MROH2A: variants seen among roughly 807,000 people sequenced by gnomAD.
MROH2A encodes maestro heat-like repeat-containing protein family member 2A.
Under a neutral mutation model 200.4 loss-of-function variants are expected in MROH2A, and 174 were observed. The observed-to-expected ratio is 0.87, with a 90% confidence interval of 0.77 to 0.98. MROH2A has a LOEUF of 0.98. MROH2A is among the 50% of genes least tolerant of loss of function. The probability of loss-of-function intolerance (pLI) is 0.00; values close to 1 mark genes in which losing one functional copy is unlikely to be tolerated. For synonymous variants in MROH2A, 829 were observed against 840.4 expected (o/e 0.99, Z 0.23); for missense variants, 2,045 against 2,139.6 (o/e 0.96, Z 0.87).
chr2:233,781,727 A>G (rs1700966435), intron 3 of MROH2A, among the ~76,000 whole-genome samples: 1 of 152,072 alleles, frequency 6.6e-6, no homozygotes, highest in East Asian at 1.9e-4. Context: ...TTTGCTTGAC[A>G]TAATCCCATT....
At chr2:233,802,478 C>T in intron 15 of MROH2A, 163 bp downstream of exon 15, 2 of 761,328 alleles carry the variant, frequency 2.6e-6, no homozygotes, top group Non-Finnish European at 4.2e-6. Flanking sequence ...ATATTAATGC[C>T]TACCTGATCA....
Position 233,779,775 on chromosome 2 carries a change from G to A in MROH2A, c.199G>A (p.Val67Met). ...TGACATGCGGAAGACCCTGGCCTCGGTGATAATCATGGAGAAGGCCACCAC... is the reference window on the plus strand; with the variant it reads ...TGACATGCGGAAGACCCTGGCCTCGATGATAATCATGGAGAAGGCCACCAC... ...GLDMRKTLASVIIMEKATTEP... is the reference protein window; with the variant it reads ...GLDMRKTLASMIIMEKATTEP... Residue 67 changes from valine (V) to methionine (M), a missense_variant, in exon 3 of 42, where the codon GTG becomes ATG. Around this residue, in one of 3 missense-constraint regions of MROH2A, gnomAD observed 831 missense variants for 800.0 expected, o/e 1.04. Transcript: ENST00000389758. The A allele has an allele frequency of 6.4e-7, 1 of 1,550,882 alleles. No individual in the cohort carries two copies. Among genetic ancestry groups the A allele is most frequent in the Non-Finnish European group, 8.7e-7 (1 of 1,147,042 alleles).
chr2:233,781,256 G>T (rs904235031), intron 3 of MROH2A, among the ~76,000 whole-genome samples: 1 of 152,156 alleles, frequency 6.6e-6, no homozygotes, highest in Non-Finnish European at 1.5e-5. Flanking sequence ...ACACCCAGTA[G>T]TAGAATTGCT....
chr2:233,814,569 C>T lies in MROH2A; in HGVS notation c.2761-13C>T, dbSNP rs1167110392. 6.5e-7 allele frequency: 1 copy of T among 1,547,082 alleles called. No homozygotes were observed. The highest frequency in any genetic ancestry group is 8.7e-7 in the Non-Finnish European group (1 of 1,144,310). ...CTCATTGCCGCCTATCTCTCTCTCC[C>T]TCTTGGCTGTAGACCCTGTATGCAA... On this transcript the variant is annotated splice_polypyrimidine_tract_variant and intron_variant, in intron 25 of 41. Coordinates refer to ENST00000389758, the MANE Select transcript of MROH2A (RefSeq NM_001394639.1).
rs1444223636 is a variant in MROH2A, at chr2:233,828,970, G to A, written c.4344G>A (p.Glu1448=). 2 of 1,550,568 alleles carry A rather than the reference G, an allele frequency of 1.3e-6. No individual in the cohort carries two copies. Among genetic ancestry groups the A allele is most frequent in the East Asian group, 2.4e-5 (1 of 40,902 alleles). The change falls in exon 37 of 42, where the codon GAG becomes GAA. Residue 1448 remains glutamate (E), a synonymous_variant. Transcript: ENST00000389758. The surrounding 1 kb of genome is among the most constrained non-coding windows in gnomAD (Gnocchi z 4.6). ...CCGTGAGCAACAGCGTGACTGCCGAGGGCATGGAGGCCCTGACCAAGATCC... is the reference window on the plus strand; with the variant it reads ...CCGTGAGCAACAGCGTGACTGCCGAAGGCATGGAGGCCCTGACCAAGATCC... ...REPVSNSVTA[E]GMEALTKILA...
chr2:233,823,665 G>A lies in MROH2A; in HGVS notation c.4113+1G>A, dbSNP rs17868361. 236,122 of 1,549,374 alleles carry A rather than the reference G, an allele frequency of 0.15. 18,672 individuals are homozygous for A. Among genetic ancestry groups the A allele is most frequent in the Non-Finnish European group, 0.16 (185,542 of 1,146,124 alleles). On this transcript the variant is annotated splice_donor_variant, in intron 35 of 41. Coordinates refer to ENST00000389758, the MANE Select transcript of MROH2A (RefSeq NM_001394639.1). LOFTEE classifies it high-confidence loss of function. ...CCGCATCAGCAGCACAGCGGTCTGC[G>A]TGGAAATGAGGCACCGGGTGTGGGC...
Position 233,818,600 on chromosome 2 carries a change from T to TG in MROH2A, c.3086-50dup. The TG allele has an allele frequency of 3.5e-6, 4 of 1,155,284 alleles. No homozygotes were observed. In the African/African-American group the frequency reaches 6.3e-5, roughly 18 times the overall value. 71.6% of individuals were successfully genotyped at this position (1,155,284 alleles called of 1,614,324 possible). A position where few individuals can be genotyped will look rare whatever the true frequency, so the allele number is the denominator to read the frequency against. On this transcript the variant is annotated intron_variant, in intron 28 of 41. Coordinates refer to ENST00000389758, the MANE Select transcript of MROH2A (RefSeq NM_001394639.1). ...GCAGGAGGTAGCCACGAAGGGGGGGTGGCTGGGCCTTTTGTCCCTGCTGGT... is the reference window on the plus strand; with the variant it reads ...GCAGGAGGTAGCCACGAAGGGGGGGTGGGCTGGGCCTTTTGTCCCTGCTGGT...
chr2:233,806,396 G>T (rs994896365), intron 19 of MROH2A, among the ~76,000 whole-genome samples: 11 of 152,060 alleles, frequency 7.2e-5, no homozygotes, highest in Non-Finnish European at 1.5e-4. Flanking sequence ...TCGTGGTGAG[G>T]ATTTAATGAA....
At chr2:233,800,448 A>G in intron 14 of MROH2A, 133 bp downstream of exon 14, 1 of 616,556 alleles carries the variant, frequency 1.6e-6, no homozygotes, top group Admixed American at 3.3e-5. Context: ...TTCCTCTTCC[A>G]GTTGCCTGGA....
intron 22 of MROH2A, 134 bp from the exon 23 acceptor site, chr2:233,810,660 G>A: frequency 8.7e-7 from 1 of 1,144,428 alleles, no homozygotes; most frequent in Non-Finnish European, 1.2e-6. Flanking sequence ...GAGTGAGGCT[G>A]GCCATCTCTC....
intron 38 of MROH2A, among the ~76,000 whole-genome samples, chr2:233,831,026 G>A (rs574907861): frequency 6.6e-6 from 1 of 152,176 alleles, no homozygotes; most frequent in Non-Finnish European, 1.5e-5. Context: ...TGGCCAGCAG[G>A]CTTGGTCACA....
chr2:233,824,193 C>T (rs1704151076), intron 35 of MROH2A, among the ~76,000 whole-genome samples: 1 of 152,248 alleles, frequency 6.6e-6, no homozygotes, highest in South Asian at 2.1e-4. Context: ...AAAACAGCCA[C>T]AGCCAATAAG....
rs1409943748 is a variant in MROH2A, at chr2:233,816,884, G to A, written c.2960G>A (p.Cys987Tyr). 3 of 1,534,818 alleles carry A rather than the reference G, an allele frequency of 2.0e-6. No homozygotes were observed. The highest frequency in any genetic ancestry group is 2.0e-5 in the Admixed American group (1 of 50,914). ...ATTTATGTCCACAGCACTGCTGTCTGTGTGAGTCCAGGAGTCCCCAGCCCC... is the reference window on the plus strand; with the variant it reads ...ATTTATGTCCACAGCACTGCTGTCTATGTGAGTCCAGGAGTCCCCAGCCCC... ...MWIYVHSTAV[C>Y]IHLKLGQFGT... The change falls in exon 27 of 42, where the codon TGT becomes TAT. Residue 987 changes from cysteine (C) to tyrosine (Y), a missense_variant and splice_region_variant. By Grantham distance (194) the Cys-to-Tyr change is radical. Transcript: ENST00000389758.
chr2:233,818,017 G>A lies in MROH2A; in HGVS notation c.2977G>A (p.Gly993Arg). The A allele has an allele frequency of 6.4e-7, 1 of 1,550,948 alleles. No individual in the cohort carries two copies. The highest frequency in any genetic ancestry group is 8.7e-7 in the Non-Finnish European group (1 of 1,147,088). ...STAVCIHLKL[G>R]QFGTMVGLIA... ...TGTCCCTCAGATCCACCTAAAGCTG[G>A]GGCAGTTTGGCACAATGGTCGGACT... Residue 993 changes from glycine to arginine, a missense_variant, in exon 28 of 42, where the codon GGG becomes AGG. By Grantham distance (125) the Gly-to-Arg change is moderately radical. Coordinates refer to ENST00000389758, the MANE Select transcript of MROH2A (RefSeq NM_001394639.1).
intron 26 of MROH2A, among the ~76,000 whole-genome samples, chr2:233,816,269 G>T (rs867509220): frequency 3.3e-5 from 5 of 152,136 alleles, no homozygotes; most frequent in Admixed American, 1.3e-4. Flanking sequence ...CAATTATTGA[G>T]AAAAAGGCAC....
At chr2:233,825,379 AG>A (rs576242113) in intron 35 of MROH2A, among the ~76,000 whole-genome samples, 9 of 152,150 alleles carry the variant, frequency 5.9e-5, no homozygotes, top group African/African-American at 7.2e-5. Flanking sequence ...GTGGTGAGAG[AG>A]GGCATCCTTG....
chr2:233,828,471 C>T lies in MROH2A; in HGVS notation c.4114-159C>T. 1 of 818,826 alleles carries T rather than the reference C, an allele frequency of 1.2e-6. No individual in the cohort carries two copies. Among genetic ancestry groups the T allele is most frequent in the Non-Finnish European group, 1.9e-6 (1 of 525,208 alleles). 50.7% of individuals were successfully genotyped at this position (818,826 alleles called of 1,614,324 possible). A position where few individuals can be genotyped will look rare whatever the true frequency, so the allele number is the denominator to read the frequency against. ...ACACAGACCCTGAGGCAGGTACTAG[C>T]ATCACCCGCTTTTTATAGAGAGGAA... On this transcript the variant is annotated intron_variant, in intron 35 of 41. Coordinates refer to ENST00000389758, the MANE Select transcript of MROH2A (RefSeq NM_001394639.1). The surrounding 1 kb of genome is among the most constrained non-coding windows in gnomAD (Gnocchi z 4.6).
chr2:233,794,232 A>G (rs1701961116), intron 7 of MROH2A, 131 bp from the exon 8 acceptor site: 2 of 689,624 alleles, frequency 2.9e-6, no homozygotes, highest in East Asian at 2.7e-5. Flanking sequence ...CCGCCTGTGC[A>G]GGAAAGACCT....
At position 233,819,790 on chromosome 2, in the gene MROH2A, TC is replaced by T. The variant is rs370889875; in HGVS notation, c.3358-108del. ...TAGAGAGGGTGCTGGGCGCTTAACC[TC>T]CCCATTGTCCAACTGGGCCAGAGCC... On this transcript the variant is annotated intron_variant, in intron 30 of 41. Transcript: ENST00000389758. 7.6e-5 allele frequency: 93 copies of T among 1,231,620 alleles called. 1 individual carries two copies. The African/African-American group carries it at 1.2e-3, about 16-fold the overall frequency. 76.3% of individuals were successfully genotyped at this position (1,231,620 alleles called of 1,614,324 possible). A position where few individuals can be genotyped will look rare whatever the true frequency, so the allele number is the denominator to read the frequency against.
Sources: gnomAD v4.1 joint callset for allele counts (sites outside exome capture counted in the v4.1 genomes callset) on GRCh38, gnomAD v4.1.1 for gene constraint, gnomAD v4.1.1 regional missense constraint, Gnocchi (gnomAD v3.1) non-coding constraint, MANE v1.5 for transcripts, NCBI Gene and HGNC (gene_info 2026-07-23, HGNC 2026-07-21) for gene names.